The following ZBTB49 variants were observed in gnomAD, a reference collection of about 807,000 sequenced individuals.
ZBTB49 encodes zinc finger and BTB domain containing 49.
ZBTB49 carries 43 observed loss-of-function variants against 57.5 expected under a neutral mutation model. The observed-to-expected ratio is 0.75, with a 90% CI of 0.59 to 0.97. The LOEUF is 0.97. Ranked by LOEUF, ZBTB49 falls within the 50% of genes least tolerant of loss-of-function variation. ZBTB49 has a pLI of 0.00. For missense variants in ZBTB49, 938 were observed against 947.7 expected (o/e 0.99, Z 0.13); for synonymous variants, 369 against 362.1 (o/e 1.02, Z -0.22).
intron 3 of ZBTB49, 117 bp from the exon 4 acceptor site, chr4:4,306,021 C>G (rs1720719373): frequency 1.4e-6 from 1 of 738,212 alleles, no homozygotes; most frequent in Non-Finnish European, 2.3e-6. Flanking sequence ...TATTTTCATA[C>G]TGTTAGGATG....
intron 7 of ZBTB49, among the ~76,000 whole-genome samples, chr4:4,317,749 G>A (rs1228335300): frequency 2.0e-5 from 3 of 152,214 alleles, no homozygotes; most frequent in African/African-American, 4.8e-5. Context: ...TCGCAGGCTC[G>A]TGTGCTCTCG....
intron 1 of ZBTB49, among the ~76,000 whole-genome samples, chr4:4,293,860 TTA>T (rs141036256): frequency 0.069 from 10,430 of 152,260 alleles, 909 homozygotes; most frequent in East Asian, 0.32. Context: ...TGTTAGCTCT[TTA>T]AAGGCCTGGG....
intron 5 of ZBTB49, 106 bp downstream of exon 5, chr4:4,313,220 G>A: frequency 7.9e-7 from 1 of 1,268,300 alleles, no homozygotes; most frequent in Admixed American, 2.2e-5. Context: ...AGCCACAGGT[G>A]GGCTCACCCT....
intron 1 of ZBTB49, among the ~76,000 whole-genome samples, chr4:4,291,721 G>C (rs1001840427): frequency 1.3e-5 from 2 of 152,190 alleles, no homozygotes; most frequent in African/African-American, 4.8e-5. Context: ...AAGAAAGTGA[G>C]CCCTCTCATT....
chr4:4,316,004 CTG>C (rs1560116130), intron 7 of ZBTB49, 34 bp downstream of exon 7: 2 of 1,609,246 alleles, frequency 1.2e-6, no homozygotes, highest in East Asian at 4.5e-5. Context: ...CCCTAGTCAT[CTG>C]TGTGTGGGAA....
rs1231935850 is a variant in ZBTB49, at chr4:4,302,668, G to A, written c.832G>A (p.Ala278Thr). 1 of 1,610,156 alleles carries A rather than the reference G, an allele frequency of 6.2e-7. No homozygotes were observed. Among genetic ancestry groups the A allele is most frequent in the Non-Finnish European group, 8.5e-7 (1 of 1,177,876 alleles). The stretch of plus-strand genomic sequence containing the variant: ...CGAGCACTTACCTTCCAACTTCCTG[G>A]CCCAGCCTGTGAATGACTCTGCCCC... ...SPEHLPSNFL[A>T]QPVNDSAPHP... The change falls in exon 3 of 8, where the codon GCC becomes ACC. Residue 278 changes from alanine (A) to threonine (T), a missense_variant. Ala to Thr is a moderately conservative substitution (Grantham distance 58, BLOSUM62 0). Around this residue, in one of 3 missense-constraint regions of ZBTB49, gnomAD observed 835 missense variants for 819.1 expected, o/e 1.02. Transcript: ENST00000337872.
chr4:4,294,665 A>G (rs1229291484), intron 1 of ZBTB49, among the ~76,000 whole-genome samples: 4 of 152,274 alleles, frequency 2.6e-5, no homozygotes, highest in East Asian at 1.9e-4. Flanking sequence ...TCTAATTCCT[A>G]TAGTAAAAGT....
intron 7 of ZBTB49, among the ~76,000 whole-genome samples, chr4:4,317,624 A>G (rs1453012776): frequency 6.6e-6 from 1 of 152,078 alleles, no homozygotes; most frequent in Non-Finnish European, 1.5e-5. Flanking sequence ...CAAATCAGCT[A>G]TGAACATCCG....
intron 7 of ZBTB49, 87 bp from the exon 8 acceptor site, chr4:4,320,553 T>C: frequency 6.6e-7 from 1 of 1,525,734 alleles, no homozygotes; most frequent in South Asian, 1.2e-5. Context: ...GGAAGAAGGA[T>C]TGTTTGAGGC....
chr4:4,319,978 C>A (rs551375927), intron 7 of ZBTB49, among the ~76,000 whole-genome samples: 1 of 150,620 alleles, frequency 6.6e-6, no homozygotes, highest in Admixed American at 6.6e-5. Context: ...GCAGGAGAAC[C>A]ACCTGAACCT....
chr4:4,292,015 G>A (rs1301066543), intron 1 of ZBTB49, among the ~76,000 whole-genome samples: 4 of 152,198 alleles, frequency 2.6e-5, no homozygotes, highest in East Asian at 1.9e-4. Context: ...GCGCATGCCT[G>A]TAATCCCAGC....
chr4:4,313,525 C>T (rs2920205), intron 5 of ZBTB49, among the ~76,000 whole-genome samples: 60,926 of 151,948 alleles, frequency 0.4, 14,086 homozygotes, highest in Middle Eastern at 0.54. Flanking sequence ...TGGAAGGTGC[C>T]ACAAGCCGTG....
At chr4:4,299,848 A>C (rs1026094302) in intron 1 of ZBTB49, 79 bp from the exon 2 acceptor site, 7 of 1,296,398 alleles carry the variant, frequency 5.4e-6, no homozygotes, top group African/African-American at 1.5e-5. Context: ...AGCACAGATC[A>C]ATCAGTAAGT....
chr4:4,304,661 G>C (rs1720660953), intron 3 of ZBTB49, among the ~76,000 whole-genome samples: 1 of 152,170 alleles, frequency 6.6e-6, no homozygotes, highest in Non-Finnish European at 1.5e-5. Context: ...CTACCGAGAA[G>C]GGCAGCAATT....
At chr4:4,315,128 T>C (rs13126343) in intron 5 of ZBTB49, among the ~76,000 whole-genome samples, 36,634 of 152,162 alleles carry the variant, frequency 0.24, 4,916 homozygotes, top group Admixed American at 0.32. Context: ...GCATTTTACT[T>C]TATAGTGAAA....
intron 1 of ZBTB49, among the ~76,000 whole-genome samples, chr4:4,292,926 A>G (rs990260938): frequency 7.9e-5 from 12 of 152,018 alleles, no homozygotes; most frequent in African/African-American, 2.9e-4. Flanking sequence ...ATTCACATTG[A>G]TCTAAACTTT....
At position 4,302,839 on chromosome 4, in the gene ZBTB49, A is replaced by G. The variant is rs1288018537; in HGVS notation, c.1003A>G (p.Lys335Glu). 5.6e-5 allele frequency: 91 copies of G among 1,613,818 alleles called. 2 individuals are homozygous for G. The highest frequency in any genetic ancestry group is 7.4e-5 in the Non-Finnish European group (87 of 1,179,820). ...SEPKSDDGLT[K>E]RLESASKNTL... Reference sequence around the variant, plus strand: ...ACCCAAGTCAGATGATGGTTTGACAAAGAGGTTGGAATCTGCTAGTAAAAA... The same window carrying G: ...ACCCAAGTCAGATGATGGTTTGACAGAGAGGTTGGAATCTGCTAGTAAAAA... The change falls in exon 3 of 8, where the codon AAG (lysine) becomes GAG (glutamate). Residue 335 changes from lysine to glutamate, a missense_variant. This residue lies in a region of ZBTB49 where 835 missense variants were observed against 819.1 expected (regional missense o/e 1.02). Transcript: ENST00000337872.
chr4:4,314,303 T>C (rs1174055432), intron 5 of ZBTB49, among the ~76,000 whole-genome samples: 2 of 152,254 alleles, frequency 1.3e-5, no homozygotes, highest in African/African-American at 2.4e-5. Context: ...CTGCATGTCT[T>C]GTTTTGCATG....
intron 4 of ZBTB49, among the ~76,000 whole-genome samples, chr4:4,306,771 G>A (rs887468031): frequency 3.9e-5 from 6 of 152,232 alleles, no homozygotes; most frequent in South Asian, 2.1e-4. Context: ...AAAATGGCTT[G>A]TGGGAACCTA....
Sources: allele counts gnomAD v4.1 joint callset (sites outside exome capture counted in the v4.1 genomes callset), GRCh38; gene constraint gnomAD v4.1.1; regional missense constraint gnomAD v4.1.1; transcripts MANE v1.5; gene names NCBI Gene and HGNC (gene_info 2026-07-23, HGNC 2026-07-21).